Variants in PTPRA observed in about 807,000 individuals in gnomAD.
PTPRA encodes protein tyrosine phosphatase receptor type A.
In PTPRA, 25 loss-of-function variants were observed where a neutral mutation model predicts 104.8. That is an observed-to-expected ratio of 0.24 (90% confidence interval 0.17 to 0.33). The LOEUF is 0.33. Ranked by LOEUF, PTPRA falls within the 10% of genes least tolerant of loss-of-function variation. The probability of loss-of-function intolerance (pLI) is 1.00; values close to 1 mark genes in which losing one functional copy is unlikely to be tolerated. For synonymous variants in PTPRA, 323 were observed against 368.9 expected (o/e 0.88, Z 1.43); for missense variants, 765 against 1,015.3 (o/e 0.75, Z 3.35).
chr20:3,028,284 T>C (rs2065249495), intron 20 of PTPRA, among the ~76,000 whole-genome samples: 1 of 152,170 alleles, frequency 6.6e-6, no homozygotes, highest in South Asian at 2.1e-4. Context: ...GATTGCCTCA[T>C]TGCTGACTAC....
chr20:3,016,066 C>T (rs2064431484), intron 12 of PTPRA, among the ~76,000 whole-genome samples, 181 bp downstream of exon 12: 1 of 152,190 alleles, frequency 6.6e-6, no homozygotes, highest in Admixed American at 6.5e-5. Flanking sequence ...ATCTTGATGA[C>T]TTAGTATCCA....
chr20:2,960,656 C>T (rs768929005), intron 3 of PTPRA, among the ~76,000 whole-genome samples: 1 of 151,856 alleles, frequency 6.6e-6, no homozygotes, highest in Non-Finnish European at 1.5e-5. Flanking sequence ...CCCACCTCAG[C>T]CTCCTAAATA....
intron 6 of PTPRA, among the ~76,000 whole-genome samples, chr20:2,980,426 G>A (rs895502150): frequency 5.3e-5 from 8 of 151,714 alleles, no homozygotes; most frequent in African/African-American, 1.9e-4. Context: ...AACTTAGCCA[G>A]GCCTGCAGTT....
chr20:2,884,812 GTT>G (rs34457101), intron 1 of PTPRA, among the ~76,000 whole-genome samples: 73,258 of 126,406 alleles, frequency 0.58, 20,575 homozygotes, highest in African/African-American at 0.76. Context: ...TGTTTTTTTT[GTT>G]TTTTTTTTTT....
the PTPRA span, chr20:2,864,375 G>A: frequency 6.2e-7 from 1 of 1,614,220 alleles, no homozygotes; most frequent in South Asian, 1.1e-5. The surrounding 1 kb of genome is among the most constrained non-coding windows in gnomAD (Gnocchi z 5.2). Flanking sequence ...TGTTCACGGT[G>A]TTGCTGCACC....
At chr20:2,952,971 G>T (rs1249807622) in intron 3 of PTPRA, among the ~76,000 whole-genome samples, 1 of 152,100 alleles carries the variant, frequency 6.6e-6, no homozygotes, top group East Asian at 1.9e-4. Flanking sequence ...CATTTAAGTT[G>T]CTTCCTCCTT....
intron 3 of PTPRA, among the ~76,000 whole-genome samples, chr20:2,951,467 T>C (rs554266108): frequency 2.6e-5 from 4 of 152,316 alleles, no homozygotes; most frequent in African/African-American, 9.6e-5. Flanking sequence ...TCACTCATAA[T>C]CTAGCTGCCT....
chr20:2,969,252 CT>C (rs57097665), intron 5 of PTPRA, among the ~76,000 whole-genome samples: 91,387 of 145,544 alleles, frequency 0.63, 30,219 homozygotes, highest in East Asian at 0.87. Context: ...GGTAGAATAC[CT>C]TTTTTTTTTT....
the PTPRA span, chr20:2,864,595 G>C: frequency 6.2e-7 from 1 of 1,614,138 alleles, no homozygotes; most frequent in African/African-American, 1.3e-5. The surrounding 1 kb of genome is among the most constrained non-coding windows in gnomAD (Gnocchi z 5.2). Flanking sequence ...TTACAATCAG[G>C]ATGACAATCA....
intron 6 of PTPRA, among the ~76,000 whole-genome samples, chr20:2,977,534 A>G (rs1463953672): frequency 1.3e-5 from 2 of 151,616 alleles, no homozygotes; most frequent in Non-Finnish European, 2.9e-5. Flanking sequence ...AGTCCCAGCC[A>G]CTTGGGACGC....
intron 6 of PTPRA, among the ~76,000 whole-genome samples, chr20:2,985,340 C>T (rs990828214): frequency 1.3e-5 from 2 of 152,128 alleles, no homozygotes; most frequent in African/African-American, 2.4e-5. Context: ...AAGAGAGACG[C>T]GAGGCTGGTG....
intron 11 of PTPRA, among the ~76,000 whole-genome samples, chr20:3,009,109 C>G (rs2064028241): frequency 6.6e-6 from 1 of 152,096 alleles, no homozygotes; most frequent in Non-Finnish European, 1.5e-5. Context: ...AGGCAACTCA[C>G]CCGTGTGCTC....
intron 1 of PTPRA, among the ~76,000 whole-genome samples, chr20:2,885,202 A>G (rs2090313150): frequency 6.6e-6 from 1 of 152,154 alleles, no homozygotes. Flanking sequence ...TATCCTTGTC[A>G]ACACTTGTTG....
At chr20:2,945,929 AATAT>A (rs374484092) in intron 2 of PTPRA, among the ~76,000 whole-genome samples, 1 of 151,768 alleles carries the variant, frequency 6.6e-6, no homozygotes, top group Non-Finnish European at 1.5e-5. Flanking sequence ...ACTCCATCTC[AATAT>A]ATATATGCGT....
At chr20:3,026,036 C>T in intron 17 of PTPRA, among the ~76,000 whole-genome samples, 1 of 151,382 alleles carries the variant, frequency 6.6e-6, no homozygotes, top group Admixed American at 6.6e-5. Context: ...ACCTCTGCCT[C>T]CCGGGTTCAA....
intron 11 of PTPRA, 25 bp from the exon 12 acceptor site, chr20:3,015,824 T>A: frequency 6.5e-7 from 1 of 1,532,920 alleles, no homozygotes; most frequent in South Asian, 1.1e-5. Flanking sequence ...TTCTCTTTCT[T>A]TTTCTTTCCT....
chr20:2,934,214 C>G (rs1318969249), intron 2 of PTPRA, among the ~76,000 whole-genome samples: 2 of 152,062 alleles, frequency 1.3e-5, no homozygotes, highest in Admixed American at 6.6e-5. Flanking sequence ...AGGTGATTGT[C>G]CCACCTCAGC....
Position 2,989,731 on chromosome 20 carries a change from G to T in PTPRA, c.738+1257G>T, listed in dbSNP as rs999808706. Among the ~76,000 whole-genome samples the T allele has an allele frequency of 8.4e-4, 128 of 152,192 alleles. 1 individual carries two copies. The highest frequency in any genetic ancestry group is 2.7e-3 in the African/African-American group (111 of 41,538). On this transcript the variant is annotated intron_variant, in intron 9 of 23. Transcript: ENST00000399903. Reference sequence around the variant, plus strand: ...AGCCAGATTTACATCTTGAAAAAATGACTCAGCTGGGCACGGTGGCTCACG... The same window carrying T: ...AGCCAGATTTACATCTTGAAAAAATTACTCAGCTGGGCACGGTGGCTCACG...
Position 3,035,395 on chromosome 20 carries a change from T to C in PTPRA, c.1921-190T>C, listed in dbSNP as rs1193786099. Among the ~76,000 whole-genome samples the C allele has an allele frequency of 6.6e-6, 1 of 152,190 alleles. No individual in the cohort carries two copies. On this transcript the variant is annotated intron_variant, in intron 20 of 23. Coordinates refer to ENST00000399903, the MANE Select transcript of PTPRA (RefSeq NM_001385305.1). The surrounding 1 kb of genome is among the most constrained non-coding windows in gnomAD (Gnocchi z 5.8). ...CAGACCCCGGCAGTGTTTTAGATGG[T>C]CTCTGGTGAGGATCGGAGGTTAATT...
Sources: allele counts gnomAD v4.1 joint callset (sites outside exome capture counted in the v4.1 genomes callset), GRCh38; gene constraint gnomAD v4.1.1; non-coding constraint Gnocchi (gnomAD v3.1); transcripts MANE v1.5; gene names NCBI Gene and HGNC (gene_info 2026-07-23, HGNC 2026-07-21).